The following UGT1A4 variants were observed in gnomAD, a reference collection of about 807,000 sequenced individuals.
The protein encoded by UGT1A4 is UDP glucuronosyltransferase family 1 member A4, also known as UDP-glucuronosyltransferase 1A4.
In UGT1A4, 32 loss-of-function variants were observed where a neutral mutation model predicts 41.1. The observed-to-expected ratio is 0.78, with a 90% CI of 0.59 to 1.05. UGT1A4 has a LOEUF of 1.05. Among genes scored for constraint, UGT1A4 ranks in the 50% least tolerant of loss-of-function variants. The probability of loss-of-function intolerance (pLI) is 0.00; values close to 1 mark genes in which losing one functional copy is unlikely to be tolerated. For synonymous variants in UGT1A4, 283 were observed against 265.1 expected (o/e 1.07, Z -0.66); for missense variants, 748 against 677.4 (o/e 1.10, Z -1.16).
At chr2:233,737,721 CT>C (rs1222184655) in intron 1 of UGT1A4, among the ~76,000 whole-genome samples, 14 of 151,438 alleles carry the variant, frequency 9.2e-5, no homozygotes, top group African/African-American at 1.9e-4. Flanking sequence ...CCAACACCTC[CT>C]TTTTTTTTCC....
intron 1 of UGT1A4, chr2:233,744,109 G>C: frequency 2.5e-6 from 1 of 395,016 alleles, no homozygotes; most frequent in Non-Finnish European, 4.6e-6. Context: ...GACTGGCCCT[G>C]CTCTCTGTGA....
At chr2:233,757,125 G>T (rs1455211055) in intron 1 of UGT1A4, among the ~76,000 whole-genome samples, 1 of 151,320 alleles carries the variant, frequency 6.6e-6, no homozygotes, top group Admixed American at 6.6e-5. Context: ...CTAGAGAGGA[G>T]GAATGAGCTT....
Position 233,724,346 on chromosome 2 carries a change from C to G in UGT1A4, c.867+4659C>G, listed in dbSNP as rs1441595042. On this transcript the variant is annotated intron_variant, in intron 1 of 4. Coordinates refer to ENST00000373409, the MANE Select transcript of UGT1A4 (RefSeq NM_007120.3). ...CTGGCCAGGCGGGGGGCTGACCCCC[C>G]CCACCTCCCTCCCGGACGGGGTGGC... 6.3e-4 allele frequency among the ~76,000 whole-genome samples: 93 copies of G among 148,184 alleles called. 1 individual carries two copies. The highest frequency in any genetic ancestry group is 1.0e-3 in the Non-Finnish European group (69 of 66,790).
intron 1 of UGT1A4, among the ~76,000 whole-genome samples, chr2:233,744,558 A>G (rs1559389162): frequency 6.6e-6 from 1 of 151,960 alleles, no homozygotes; most frequent in Non-Finnish European, 1.5e-5. Flanking sequence ...GACAAAATGT[A>G]GTGAGAAGAG....
intron 1 of UGT1A4, among the ~76,000 whole-genome samples, chr2:233,737,049 A>G (rs2078837950): frequency 1.3e-5 from 2 of 152,210 alleles, no homozygotes; most frequent in Admixed American, 6.5e-5. Context: ...ATGCCATACT[A>G]GGAGAACGAG....
At chr2:233,755,183 C>G (rs564578980) in intron 1 of UGT1A4, 175 of 1,199,670 alleles carry the variant, frequency 1.5e-4, no homozygotes, top group Middle Eastern at 2.2e-4. Context: ...CGGGGTGCCA[C>G]TTGAGCGCCA....
chr2:233,736,583 G>C (rs1481937914), intron 1 of UGT1A4, among the ~76,000 whole-genome samples: 3 of 152,232 alleles, frequency 2.0e-5, no homozygotes, highest in Non-Finnish European at 4.4e-5. Context: ...CTTTGGAGGA[G>C]ATGTGCTTAT....
chr2:233,733,827 G>A (rs1305233298), intron 1 of UGT1A4, among the ~76,000 whole-genome samples: 1 of 152,118 alleles, frequency 6.6e-6, no homozygotes, highest in African/African-American at 2.4e-5. Flanking sequence ...CATAAAATGA[G>A]TTAGGGAGGA....
intron 1 of UGT1A4, chr2:233,747,152 G>A (rs1023956856): frequency 1.3e-6 from 2 of 1,577,494 alleles, no homozygotes; most frequent in African/African-American, 1.4e-5. Context: ...TTAAGATGAA[G>A]AAAACAAATG....
At chr2:233,747,146 G>T in intron 1 of UGT1A4, 1 of 1,568,908 alleles carries the variant, frequency 6.4e-7, no homozygotes, top group Non-Finnish European at 8.6e-7. Flanking sequence ...AGGTAATTAA[G>T]ATGAAGAAAA....
chr2:233,743,991 G>C (rs368834284), intron 1 of UGT1A4: 29 of 1,251,932 alleles, frequency 2.3e-5, no homozygotes, highest in African/African-American at 7.8e-5. Context: ...GCGCAGGCCC[G>C]AGTGCTCGGA....
intron 1 of UGT1A4, among the ~76,000 whole-genome samples, chr2:233,764,157 G>A (rs1698491746): frequency 6.6e-6 from 1 of 152,190 alleles, no homozygotes; most frequent in African/African-American, 2.4e-5. Flanking sequence ...GGCTGGTGAA[G>A]TCTCATCAGA....
intron 1 of UGT1A4, chr2:233,747,324 T>G: frequency 1.2e-6 from 2 of 1,603,244 alleles, no homozygotes; most frequent in Non-Finnish European, 1.7e-6. Context: ...TACCCATTGA[T>G]GGCAGCCACT....
intron 1 of UGT1A4, chr2:233,743,967 C>A (rs1487193750): frequency 1.5e-6 from 2 of 1,326,686 alleles, no homozygotes; most frequent in African/African-American, 1.5e-5. Flanking sequence ...AGCGGCAAGG[C>A]TGCCAGCACC....
chr2:233,722,838 A>C (rs192371212), intron 1 of UGT1A4, among the ~76,000 whole-genome samples: 12 of 132,374 alleles, frequency 9.1e-5, no homozygotes, highest in African/African-American at 2.9e-4. Flanking sequence ...TTATAATAAG[A>C]ATGTTTCTTT....
At chr2:233,747,624 ATC>A in intron 1 of UGT1A4, 1 of 1,577,546 alleles carries the variant, frequency 6.3e-7, no homozygotes, top group South Asian at 1.1e-5. Flanking sequence ...TGAGGCCCTG[ATC>A]AGGCACCTGA....
At position 233,719,437 on chromosome 2, in the gene UGT1A4, C is replaced by T. The variant is rs1189079913; in HGVS notation, c.617C>T (p.Thr206Ile). 1 of 1,613,870 alleles carries T rather than the reference C, an allele frequency of 6.2e-7. No homozygotes were observed. Among genetic ancestry groups the T allele is most frequent in the East Asian group, 2.2e-5 (1 of 44,898 alleles). ...KLLTTNSDHM[T>I]FLQRVKNMLY... is the part of the protein sequence containing the mutation. ...CTAACGACCAATTCAGACCACATGA[C>T]ATTCCTGCAAAGGGTCAAGAACATG... Residue 206 changes from threonine to isoleucine, a missense_variant, in exon 1 of 5, where the codon ACA becomes ATA. Thr to Ile is a moderately conservative substitution (Grantham distance 89). Transcript: ENST00000373409.
intron 1 of UGT1A4, among the ~76,000 whole-genome samples, chr2:233,748,826 G>A (rs1470872637): frequency 1.3e-5 from 2 of 151,398 alleles, no homozygotes; most frequent in African/African-American, 4.9e-5. Context: ...AGGGTCTAGG[G>A]AGGAGATAAA....
At chr2:233,726,437 T>C (rs955428993) in intron 1 of UGT1A4, among the ~76,000 whole-genome samples, 7 of 152,238 alleles carry the variant, frequency 4.6e-5, no homozygotes, top group Non-Finnish European at 8.8e-5. Flanking sequence ...CTTAATCTTA[T>C]TCTTTCCACT....
Sources: allele counts gnomAD v4.1 joint callset (sites outside exome capture counted in the v4.1 genomes callset), GRCh38; gene constraint gnomAD v4.1.1; transcripts MANE v1.5; gene names NCBI Gene and HGNC (gene_info 2026-07-23, HGNC 2026-07-21).